FMN1: variants seen among roughly 807,000 people sequenced by gnomAD.
FMN1 encodes the protein formin-1.
A neutral mutation model predicts 132.4 loss-of-function variants in FMN1; 110 were observed. The ratio of observed to expected loss-of-function variants is 0.83; its 90% CI spans 0.71 to 0.97. The LOEUF (loss-of-function observed/expected upper bound fraction) is 0.97, where lower values mean the gene tolerates loss of function less well. Among genes scored for constraint, FMN1 ranks in the 50% least tolerant of loss-of-function variants. The pLI is 0.00. For missense variants in FMN1, 1,792 were observed against 1,705.3 expected (o/e 1.05, Z -0.90); for synonymous variants, 722 against 651.7 (o/e 1.11, Z -1.64).
chr15:33,116,067 G>A (rs1231081914), intron 4 of FMN1, among the ~76,000 whole-genome samples: 1 of 152,156 alleles, frequency 6.6e-6, no homozygotes, highest in African/African-American at 2.4e-5. Flanking sequence ...AAAGACTATA[G>A]AGATCCAACT....
chr15:32,912,803 C>G (rs1268553976), intron 10 of FMN1, among the ~76,000 whole-genome samples: 1 of 151,990 alleles, frequency 6.6e-6, no homozygotes, highest in African/African-American at 2.4e-5. Flanking sequence ...GTGATCCTGA[C>G]ATGTTAAATT....
intron 4 of FMN1, among the ~76,000 whole-genome samples, chr15:33,147,744 T>G (rs753724487): frequency 2.6e-5 from 4 of 152,218 alleles, no homozygotes; most frequent in Non-Finnish European, 5.9e-5. Flanking sequence ...ATACAGAAAC[T>G]GACCTTAAAA....
At chr15:33,172,352 T>C (rs1488258303) in intron 3 of FMN1, among the ~76,000 whole-genome samples, 2 of 152,222 alleles carry the variant, frequency 1.3e-5, no homozygotes, top group Non-Finnish European at 2.9e-5. Context: ...ACCCACATAC[T>C]AAATGGAGGT....
At chr15:33,151,783 G>T (rs1332511654) in intron 4 of FMN1, among the ~76,000 whole-genome samples, 1 of 152,076 alleles carries the variant, frequency 6.6e-6, no homozygotes, top group Non-Finnish European at 1.5e-5. Context: ...CATCACTAGG[G>T]TTCTGCAATA....
intron 16 of FMN1, among the ~76,000 whole-genome samples, chr15:32,862,323 GTTCTCT>G (rs1178000891): frequency 6.6e-6 from 1 of 152,014 alleles, no homozygotes; most frequent in Non-Finnish European, 1.5e-5. Flanking sequence ...GTCACCCCAG[GTTCTCT>G]TTCTGTTATT....
At chr15:33,093,884 AT>A (rs2038988126) in intron 4 of FMN1, among the ~76,000 whole-genome samples, 1 of 152,226 alleles carries the variant, frequency 6.6e-6, no homozygotes, top group African/African-American at 2.4e-5. Context: ...TTCAAATAAA[AT>A]AAAACAAATT....
At chr15:32,949,976 TATACACACAC>T (rs1224972898) in intron 9 of FMN1, among the ~76,000 whole-genome samples, 2 of 53,048 alleles carry the variant, frequency 3.8e-5, no homozygotes, top group African/African-American at 1.4e-4. Context: ...CACACATATA[TATACACACAC>T]ATATATATAC....
intron 9 of FMN1, among the ~76,000 whole-genome samples, chr15:32,949,505 G>A (rs12911747): frequency 0.15 from 22,062 of 152,038 alleles, 2,141 homozygotes; most frequent in Non-Finnish European, 0.22. Flanking sequence ...GCCATATGGA[G>A]AAGACTGAAA....
At chr15:33,094,712 A>G (rs2039016286) in intron 4 of FMN1, among the ~76,000 whole-genome samples, 1 of 152,222 alleles carries the variant, frequency 6.6e-6, no homozygotes. Context: ...AAGTATATAA[A>G]TATCTCTTTG....
chr15:33,181,835 A>G (rs2140342740), intron 2 of FMN1, among the ~76,000 whole-genome samples: 1 of 150,098 alleles, frequency 6.7e-6, no homozygotes, highest in South Asian at 2.1e-4. Context: ...CAGCCTCCTG[A>G]GTAGCTGGGA....
chr15:33,084,558 G>A (rs2038615379), intron 5 of FMN1, among the ~76,000 whole-genome samples: 1 of 152,118 alleles, frequency 6.6e-6, no homozygotes, highest in Admixed American at 6.6e-5. Flanking sequence ...GGCAATTGGG[G>A]AATTGCTTGT....
At chr15:32,937,362 G>C (rs948713326) in intron 9 of FMN1, among the ~76,000 whole-genome samples, 3 of 152,216 alleles carry the variant, frequency 2.0e-5, no homozygotes, top group Admixed American at 6.5e-5. Flanking sequence ...CAGAAAGGGA[G>C]TCAGATGAGT....
At chr15:33,063,928 A>G (rs2037599282) in intron 6 of FMN1, 1 of 152,210 alleles carries the variant, frequency 6.6e-6, no homozygotes, top group African/African-American at 2.4e-5. Flanking sequence ...TATTTTCATT[A>G]AGGATATGAG....
chr15:33,058,401 A>C (rs548362142), intron 6 of FMN1, among the ~76,000 whole-genome samples: 71 of 152,288 alleles, frequency 4.7e-4, no homozygotes, highest in African/African-American at 1.3e-3. Flanking sequence ...CACTGAAATA[A>C]CAACTGTTAA....
intron 9 of FMN1, among the ~76,000 whole-genome samples, chr15:32,955,641 C>T (rs1044568196): frequency 5.3e-5 from 8 of 152,152 alleles, no homozygotes; most frequent in African/African-American, 1.7e-4. Flanking sequence ...CTTCCCTCAA[C>T]GAGAAGATAA....
At chr15:33,023,160 A>G (rs909538525) in intron 6 of FMN1, among the ~76,000 whole-genome samples, 8 of 151,046 alleles carry the variant, frequency 5.3e-5, no homozygotes, top group Non-Finnish European at 1.2e-4. Flanking sequence ...ACCTCAGGCT[A>G]GTGAACCCAA....
intron 16 of FMN1, among the ~76,000 whole-genome samples, chr15:32,882,898 G>A (rs1167850140): frequency 7.9e-5 from 12 of 152,162 alleles, no homozygotes; most frequent in Non-Finnish European, 1.6e-4. Flanking sequence ...ACTGACTCAG[G>A]CAAGGGCCAC....
intron 9 of FMN1, among the ~76,000 whole-genome samples, chr15:32,950,309 C>T (rs1163445984): frequency 6.6e-6 from 1 of 151,416 alleles, no homozygotes; most frequent in Non-Finnish European, 1.5e-5. Flanking sequence ...ACAGAACTGC[C>T]ATTAGACCCA....
chr15:32,926,934 G>A (rs2060976541), intron 9 of FMN1, among the ~76,000 whole-genome samples: 2 of 152,082 alleles, frequency 1.3e-5, no homozygotes, highest in Admixed American at 6.5e-5. Context: ...ACAGGCAGGC[G>A]CCACCACACC....
Sources: allele counts gnomAD v4.1 joint callset (sites outside exome capture counted in the v4.1 genomes callset), GRCh38; gene constraint gnomAD v4.1.1; transcripts MANE v1.5; gene names NCBI Gene and HGNC (gene_info 2026-07-23, HGNC 2026-07-21).